CHP1: variants seen among roughly 807,000 people sequenced by gnomAD.
CHP1 encodes the protein calcineurin B homologous protein 1.
In CHP1, 11 loss-of-function variants were observed where a neutral mutation model predicts 27.4. The ratio of observed to expected loss-of-function variants is 0.40; its 90% CI spans 0.25 to 0.67. The LOEUF is 0.67. Ranked by LOEUF, CHP1 falls within the 30% of genes least tolerant of loss-of-function variation. The probability of loss-of-function intolerance (pLI) is 0.38; values close to 1 mark genes in which losing one functional copy is unlikely to be tolerated. For missense variants in CHP1, 169 were observed against 251.3 expected (o/e 0.67, Z 2.22); for synonymous variants, 89 against 87.4 (o/e 1.02, Z -0.10).
intron 5 of CHP1, among the ~76,000 whole-genome samples, chr15:41,275,366 G>A (rs1267898036): frequency 6.6e-6 from 1 of 151,828 alleles, no homozygotes; most frequent in Non-Finnish European, 1.5e-5. Context: ...TGTTGGCTAG[G>A]CTGGTGTCAA....
chr15:41,238,629 G>T lies in CHP1; in HGVS notation c.68-5038G>T, dbSNP rs111582984. 4.4e-3 allele frequency among the ~76,000 whole-genome samples: 672 copies of T among 151,530 alleles called. 5 individuals are homozygous for T. Among genetic ancestry groups the T allele is most frequent in the African/African-American group, 0.015 (613 of 41,274 alleles). ...GCTGAGGCGGGTGGATCACGAGGTC[G>T]GGAGATCGAGATCATCCTGGCTAAC... is the stretch of plus-strand genomic sequence containing the variant. On this transcript the variant is annotated intron_variant, in intron 1 of 6. Coordinates refer to ENST00000334660, the MANE Select transcript of CHP1 (RefSeq NM_007236.5).
At chr15:41,231,555 G>C in intron 1 of CHP1, 106 bp downstream of exon 1, 1 of 1,045,910 alleles carries the variant, frequency 9.6e-7, no homozygotes. Flanking sequence ...AGGTTGGGGG[G>C]TCCTGGGCAG....
At chr15:41,240,835 A>C (rs1441619026) in intron 1 of CHP1, among the ~76,000 whole-genome samples, 1 of 151,350 alleles carries the variant, frequency 6.6e-6, no homozygotes, top group African/African-American at 2.4e-5. Flanking sequence ...TTTTTTCAAA[A>C]AATCTTTTGG....
chr15:41,273,256 A>G (rs2047500572), intron 5 of CHP1, among the ~76,000 whole-genome samples: 2 of 152,350 alleles, frequency 1.3e-5, no homozygotes, highest in East Asian at 1.9e-4. Context: ...AGTTGGTTTA[A>G]CATTAGAAAA....
intron 2 of CHP1, among the ~76,000 whole-genome samples, chr15:41,253,021 C>G (rs1370929951): frequency 7.0e-6 from 1 of 142,662 alleles, no homozygotes; most frequent in African/African-American, 2.6e-5. Flanking sequence ...TCACTGCAAC[C>G]TCCACCTCCC....
chr15:41,270,266 TG>T (rs147322871), intron 4 of CHP1, among the ~76,000 whole-genome samples: 29 of 150,026 alleles, frequency 1.9e-4, no homozygotes, highest in Middle Eastern at 3.4e-3. Flanking sequence ...AGGAGTGTTT[TG>T]GGGGGGGGCG....
intron 2 of CHP1, among the ~76,000 whole-genome samples, chr15:41,247,014 CAAA>C (rs528644397): frequency 4.0e-5 from 5 of 124,030 alleles, no homozygotes; most frequent in South Asian, 2.7e-4. Flanking sequence ...GACTCTGTCT[CAAA>C]AAAAAAAAAA....
intron 5 of CHP1, among the ~76,000 whole-genome samples, chr15:41,277,159 T>C (rs1242338625): frequency 6.6e-6 from 1 of 152,212 alleles, no homozygotes; most frequent in Non-Finnish European, 1.5e-5. Context: ...TTCTGAGATA[T>C]GCAATGTTAG....
chr15:41,264,198 A>G, intron 4 of CHP1: 3 of 1,286,950 alleles, frequency 2.3e-6, no homozygotes, highest in African/African-American at 1.5e-5. Context: ...AGAGAGATCG[A>G]GACTGAAATT....
intron 3 of CHP1, among the ~76,000 whole-genome samples, chr15:41,262,260 A>G (rs1172572687): frequency 2.0e-5 from 3 of 152,134 alleles, no homozygotes; most frequent in Non-Finnish European, 4.4e-5. Context: ...AAATTAAATA[A>G]ACTTTATTTT....
intron 2 of CHP1, among the ~76,000 whole-genome samples, chr15:41,247,139 C>T (rs543339432): frequency 6.6e-6 from 1 of 151,802 alleles, no homozygotes; most frequent in African/African-American, 2.4e-5. Flanking sequence ...GAGGCCAAGG[C>T]AGGTGGATCA....
intron 5 of CHP1, among the ~76,000 whole-genome samples, chr15:41,276,729 G>A (rs1595483827): frequency 6.6e-6 from 1 of 152,142 alleles, no homozygotes; most frequent in East Asian, 1.9e-4. Flanking sequence ...AGGAATAGTT[G>A]GCTTAATGCA....
intron 2 of CHP1, among the ~76,000 whole-genome samples, chr15:41,249,160 G>A (rs543537356): frequency 7.9e-4 from 121 of 152,218 alleles, no homozygotes; most frequent in Middle Eastern, 3.4e-3. Context: ...TTTGTTACCT[G>A]GAACAGCTTC....
rs540445872 is a variant in CHP1 at position 41,268,806 on chromosome 15, A to C, written c.350-1751A>C. Among the ~76,000 whole-genome samples the C allele has an allele frequency of 5.8e-3, 879 of 151,528 alleles. 7 individuals are homozygous for C. The highest frequency in any genetic ancestry group is 6.9e-3 in the Middle Eastern group (2 of 288). On this transcript the variant is annotated intron_variant, in intron 4 of 6. Coordinates refer to ENST00000334660, the MANE Select transcript of CHP1 (RefSeq NM_007236.5). ...TGTCTGTACTAAAAACACACACACAAAAAATTAGCCAGGCGTGGTGGTGGG... is the reference window on the plus strand; with the variant it reads ...TGTCTGTACTAAAAACACACACACACAAAATTAGCCAGGCGTGGTGGTGGG...
chr15:41,239,978 G>C (rs868438943), intron 1 of CHP1, among the ~76,000 whole-genome samples: 1 of 151,560 alleles, frequency 6.6e-6, no homozygotes, highest in Non-Finnish European at 1.5e-5. Flanking sequence ...GGGTTTCACC[G>C]TGTTAGCCAG....
Position 41,281,518 on chromosome 15 carries a change from C to T in CHP1, c.*2129C>T, listed in dbSNP as rs982914375. On this transcript the variant is annotated 3_prime_UTR_variant, in exon 7 of 7. Transcript: ENST00000334660. ...TGACTCATTGCTTGCTTGCTTGTTT[C>T]CTTGCTTTGGAAAACTATTGAAGAT... 7 of 152,636 alleles carry T rather than the reference C, an allele frequency of 4.6e-5. No homozygotes were observed. The highest frequency in any genetic ancestry group is 1.7e-4 in the African/African-American group (7 of 41,442). 9.5% of individuals were successfully genotyped at this position (152,636 alleles called of 1,614,324 possible). A position where few individuals can be genotyped will look rare whatever the true frequency, so the allele number is the denominator to read the frequency against.
chr15:41,244,078 A>G (rs2047320925), intron 2 of CHP1, among the ~76,000 whole-genome samples: 1 of 151,840 alleles, frequency 6.6e-6, no homozygotes. Context: ...GGCGCCTGTA[A>G]TCCCAGCTAC....
intron 1 of CHP1, among the ~76,000 whole-genome samples, chr15:41,240,908 A>G (rs1251016267): frequency 1.3e-5 from 2 of 150,444 alleles, no homozygotes. Context: ...TCTGGAGTGC[A>G]GTGACGTGAT....
intron 2 of CHP1, among the ~76,000 whole-genome samples, chr15:41,249,813 A>G (rs1022679311): frequency 7.3e-5 from 11 of 151,658 alleles, no homozygotes; most frequent in Non-Finnish European, 1.5e-4. Context: ...ATTAGGAGAA[A>G]GATTTTCACT....
Sources: gnomAD v4.1 joint callset for allele counts (sites outside exome capture counted in the v4.1 genomes callset) on GRCh38, gnomAD v4.1.1 for gene constraint, MANE v1.5 for transcripts, NCBI Gene and HGNC (gene_info 2026-07-23, HGNC 2026-07-21) for gene names.